TPO: variants seen among roughly 807,000 people sequenced by gnomAD.
The protein encoded by TPO is thyroid peroxidase.
TPO carries 78 observed loss-of-function variants against 96.9 expected under a neutral mutation model. The observed-to-expected ratio is 0.81, with a 90% CI of 0.67 to 0.97. TPO has a LOEUF of 0.97. Among genes scored for constraint, TPO ranks in the 50% least tolerant of loss-of-function variants. The pLI is 0.00. For missense variants in TPO, 1,252 were observed against 1,274.8 expected, an observed-to-expected ratio of 0.98 and a Z score of 0.27; for synonymous variants, 547 against 538.0, an observed-to-expected ratio of 1.02 and a Z score of -0.23.
chr2:1,451,904 T>C (rs1667335204), intron 5 of TPO, among the ~76,000 whole-genome samples: 2 of 152,224 alleles, frequency 1.3e-5, no homozygotes, highest in Admixed American at 6.5e-5. Flanking sequence ...TTCTTCCAAA[T>C]GTAGAATATT....
At chr2:1,490,847 G>A (rs1016392015) in intron 10 of TPO, among the ~76,000 whole-genome samples, 3 of 152,170 alleles carry the variant, frequency 2.0e-5, no homozygotes, top group South Asian at 2.1e-4. Flanking sequence ...TGTACTTTAC[G>A]GGGAATATAA....
chr2:1,467,798 C>T (rs890152031), intron 7 of TPO, among the ~76,000 whole-genome samples: 1 of 151,474 alleles, frequency 6.6e-6, no homozygotes, highest in Non-Finnish European at 1.5e-5. Flanking sequence ...TGCAGTCCCC[C>T]ACTATTACTG....
chr2:1,419,974 C>G (rs1663341494), intron 2 of TPO, among the ~76,000 whole-genome samples: 1 of 152,120 alleles, frequency 6.6e-6, no homozygotes. Context: ...CTCTATTCAG[C>G]CAAGAAGTAG....
At position 1,503,959 on chromosome 2, in the gene TPO, T is replaced by C. The variant is rs754381521; in HGVS notation, c.2398T>C (p.Cys800Arg). ...TGTGTGTCTGGCAGATGTGAACGAG[T>C]GTGCAGACGGTGCCCACCCCCCCTG... ...QPPLCKDVNE[C>R]ADGAHPPCHA... The change falls in exon 14 of 17, where the codon TGT (cysteine) becomes CGT (arginine). Residue 800 changes from cysteine to arginine, a missense_variant. Cys to Arg is a radical substitution (Grantham distance 180). Coordinates refer to ENST00000329066, the MANE Select transcript of TPO (RefSeq NM_001206744.2). 1 of 1,613,836 alleles carries C rather than the reference T, an allele frequency of 6.2e-7. No individual in the cohort carries two copies. The highest frequency in any genetic ancestry group is 8.5e-7 in the Non-Finnish European group (1 of 1,179,944).
intron 15 of TPO, among the ~76,000 whole-genome samples, chr2:1,538,316 T>C (rs1471609888): frequency 6.6e-6 from 1 of 152,172 alleles, no homozygotes; most frequent in Non-Finnish European, 1.5e-5. Flanking sequence ...CGGGTTGAAT[T>C]CAGAGGCACG....
At chr2:1,436,513 T>G (rs1197926542) in intron 5 of TPO, 129 bp downstream of exon 5, 18 of 1,446,084 alleles carry the variant, frequency 1.2e-5, no homozygotes, top group Non-Finnish European at 1.7e-5. Context: ...GTTCCTGTCC[T>G]TGGCCTCCCC....
At chr2:1,452,210 T>C (rs372678244) in intron 5 of TPO, among the ~76,000 whole-genome samples, 1 of 74,788 alleles carries the variant, frequency 1.3e-5, no homozygotes, top group Non-Finnish European at 3.5e-5. Context: ...AGAACACAAT[T>C]GATTTAATAA....
intron 3 of TPO, among the ~76,000 whole-genome samples, chr2:1,423,742 A>G (rs1365454752): frequency 6.6e-6 from 1 of 152,272 alleles, no homozygotes; most frequent in Non-Finnish European, 1.5e-5. Context: ...AAATATCAAA[A>G]GACAGCAGTT....
In TPO at chr2:1,512,514, A is replaced by C. The variant is rs890162611; in HGVS notation, c.2519-4369A>C. 23 of 982,218 alleles carry C rather than the reference A, an allele frequency of 2.3e-5. No individual in the cohort carries two copies. The African/African-American group carries it at 3.3e-4, about 14-fold the overall frequency. The allele number at this position is 982,218 out of a possible 1,614,324, so 60.8% of individuals were successfully genotyped here. A position where few individuals can be genotyped will look rare whatever the true frequency, so the allele number is the denominator to read the frequency against. On this transcript the variant is annotated intron_variant, in intron 14 of 16. Coordinates refer to ENST00000329066, the MANE Select transcript of TPO (RefSeq NM_001206744.2). ...TCTGTGTGATGGATGTGATGCTTGC[A>C]TGGTGCTGTCCCTGCCCCGCTCCGC...
chr2:1,421,202 G>C lies in TPO; in HGVS notation c.95-1843G>C, dbSNP rs28910006. Among the ~76,000 whole-genome samples the C allele has an allele frequency of 1.6e-4, 24 of 152,280 alleles. 1 individual carries two copies. In the East Asian group the frequency reaches 4.4e-3, roughly 28 times the overall value. On this transcript the variant is annotated intron_variant, in intron 2 of 16. Transcript: ENST00000329066. ...AAAAGGCACGACGGCCGGGAGCACT[G>C]AACGCTTGCCAGGCCCTGGACCAAA...
intron 14 of TPO, among the ~76,000 whole-genome samples, chr2:1,509,721 C>G (rs796201693): frequency 8.4e-5 from 3 of 35,598 alleles, no homozygotes; most frequent in African/African-American, 4.5e-4. Context: ...TTCTGTCAGG[C>G]ACAGCCCACC....
intron 15 of TPO, among the ~76,000 whole-genome samples, chr2:1,518,477 C>T (rs1345982556): frequency 6.6e-6 from 1 of 152,234 alleles, no homozygotes; most frequent in African/African-American, 2.4e-5. Context: ...ATCTGCTCTG[C>T]ATCCTGTCTC....
intron 15 of TPO, among the ~76,000 whole-genome samples, chr2:1,539,642 G>A (rs1201166630): frequency 6.6e-6 from 1 of 152,148 alleles, no homozygotes; most frequent in Non-Finnish European, 1.5e-5. Flanking sequence ...GTGGTGCGGG[G>A]ACTGCGCTCC....
At chr2:1,451,975 C>T (rs967356822) in intron 5 of TPO, among the ~76,000 whole-genome samples, 2 of 152,124 alleles carry the variant, frequency 1.3e-5, no homozygotes, top group South Asian at 4.1e-4. Flanking sequence ...CTATCCTCTA[C>T]AGATATGTAT....
At chr2:1,508,743 AT>A (rs1490003450) in intron 14 of TPO, among the ~76,000 whole-genome samples, 2 of 152,072 alleles carry the variant, frequency 1.3e-5, no homozygotes, top group South Asian at 2.1e-4. Context: ...CCCCTTTATC[AT>A]TTTTTGTTGC....
chr2:1,541,235 G>GA (rs758573642), intron 16 of TPO: 237 of 1,099,500 alleles, frequency 2.2e-4, no homozygotes, highest in Non-Finnish European at 2.5e-4. Flanking sequence ...CTCCAGAGGG[G>GA]AGTGGGGAGG....
At position 1,458,233 on chromosome 2, in the gene TPO, A is replaced by G. The variant is rs527705752; in HGVS notation, c.819+1951A>G. Among the ~76,000 whole-genome samples the G allele has an allele frequency of 6.1e-4, 85 of 139,254 alleles. 1 individual carries two copies. The highest frequency in any genetic ancestry group is 2.0e-3 in the African/African-American group (73 of 36,856). The allele number at this position is 139,254 out of a possible 152,430, so 91.4% of individuals were successfully genotyped here. A position where few individuals can be genotyped will look rare whatever the true frequency, so the allele number is the denominator to read the frequency against. On this transcript the variant is annotated intron_variant, in intron 7 of 16. Transcript: ENST00000329066. ...GGCATATAAGATACTGTGTGGGCAC[A>G]TGTGTATATAGGATATAAGATAGTG... is the stretch of plus-strand genomic sequence containing the variant.
intron 15 of TPO, among the ~76,000 whole-genome samples, chr2:1,518,465 C>T (rs1674932636): frequency 6.6e-6 from 1 of 152,190 alleles, no homozygotes; most frequent in Non-Finnish European, 1.5e-5. Context: ...TCTGTACCTG[C>T]CATCTGCTCT....
chr2:1,497,761 G>C (rs923120859), intron 13 of TPO, among the ~76,000 whole-genome samples: 1 of 152,238 alleles, frequency 6.6e-6, no homozygotes, highest in Non-Finnish European at 1.5e-5. Flanking sequence ...TGTGAGCTAC[G>C]TGCTATGAGC....
Sources: allele counts gnomAD v4.1 joint callset (sites outside exome capture counted in the v4.1 genomes callset), GRCh38; gene constraint gnomAD v4.1.1; transcripts MANE v1.5; gene names NCBI Gene and HGNC (gene_info 2026-07-23, HGNC 2026-07-21).